Variants in RELL1 observed in about 807,000 individuals in gnomAD.
RELL1 encodes the protein RELT like 1.
A neutral mutation model predicts 23.0 loss-of-function variants in RELL1; 10 were observed. That is an observed-to-expected ratio of 0.43 (90% CI 0.27 to 0.74). RELL1 has a LOEUF of 0.74. RELL1 is among the 30% of genes least tolerant of loss of function. RELL1 has a pLI of 0.19. For synonymous variants in RELL1, 146 were observed against 146.8 expected, an observed-to-expected ratio of 0.99 and a Z score of 0.04; for missense variants, 315 against 364.4, an observed-to-expected ratio of 0.86 and a Z score of 1.10.
At chr4:37,654,883 A>G (rs539902443) in intron 1 of RELL1, among the ~76,000 whole-genome samples, 2 of 152,360 alleles carry the variant, frequency 1.3e-5, no homozygotes, top group East Asian at 3.9e-4. Context: ...ATAAAAACGC[A>G]TGAAGGTATA....
chr4:37,602,576 G>C lies in RELL1; in HGVS notation c.*4-11359C>G, dbSNP rs182571351. 2.7e-3 allele frequency among the ~76,000 whole-genome samples: 414 copies of C among 152,096 alleles called. 3 individuals carry two copies. Among genetic ancestry groups the C allele is most frequent in the African/African-American group, 9.4e-3 (391 of 41,498 alleles). On this transcript the variant is annotated intron_variant, in intron 6 of 6. Transcript: ENST00000314117. ...AGTCACAGCCACTCTGATCAGCCGT[G>C]GGGGATGGACGCATGTAGACCCTTC...
intron 4 of RELL1, among the ~76,000 whole-genome samples, chr4:37,637,794 T>G (rs1018389718): frequency 6.6e-6 from 1 of 152,240 alleles, no homozygotes; most frequent in Admixed American, 6.5e-5. Context: ...TAATTAATTA[T>G]GAAGGAATAT....
chr4:37,662,747 T>A (rs1721398688), intron 1 of RELL1, among the ~76,000 whole-genome samples: 1 of 152,058 alleles, frequency 6.6e-6, no homozygotes, highest in Non-Finnish European at 1.5e-5. Flanking sequence ...CCAACACAGA[T>A]GACAGCTACA....
In RELL1 at chr4:37,651,994, C is replaced by T. The variant is rs542267455; in HGVS notation, c.89-2494G>A. 5.3e-5 allele frequency among the ~76,000 whole-genome samples: 8 copies of T among 152,354 alleles called. No homozygotes were observed. The South Asian group carries it at 1.7e-3, about 32-fold the overall frequency. ...GCTGAAGCACGCCAGCGTGGCCAAG[C>T]AGGGCGTCGAGGCTGGGGCAGAGCG... On this transcript the variant is annotated intron_variant, in intron 1 of 6. Coordinates refer to ENST00000454158, the MANE Select transcript of RELL1 (RefSeq NM_001085400.2).
chr4:37,676,047 T>G (rs1194303678), intron 1 of RELL1, among the ~76,000 whole-genome samples: 1 of 152,164 alleles, frequency 6.6e-6, no homozygotes, highest in Non-Finnish European at 1.5e-5. Flanking sequence ...ACTCCTGCAG[T>G]TTTTGCAGCT....
At chr4:37,588,555 C>T (rs186530889), downstream of RELL1, 59 of 326,492 alleles carry the variant, frequency 1.8e-4, no homozygotes, top group African/African-American at 1.1e-3. Flanking sequence ...CATCCTTCCA[C>T]CTTCTTCTCC....
chr4:37,661,570 G>A (rs1026561257), intron 1 of RELL1, among the ~76,000 whole-genome samples: 8 of 152,146 alleles, frequency 5.3e-5, no homozygotes, highest in Admixed American at 1.3e-4. Context: ...GTGAGCCACC[G>A]CACCTAGCCA....
At chr4:37,648,714 T>C (rs575673896) in intron 2 of RELL1, among the ~76,000 whole-genome samples, 4 of 152,238 alleles carry the variant, frequency 2.6e-5, no homozygotes, top group Non-Finnish European at 5.9e-5. Context: ...CACGATCGTT[T>C]ACTTAATAAA....
intron 3 of RELL1, among the ~76,000 whole-genome samples, chr4:37,639,620 C>T (rs1720454981): frequency 1.3e-5 from 2 of 152,010 alleles, no homozygotes; most frequent in Admixed American, 1.3e-4. Flanking sequence ...AGAGTGGTCA[C>T]GCTCCCCAGG....
intron 3 of RELL1, among the ~76,000 whole-genome samples, chr4:37,639,141 T>C (rs1720434483): frequency 6.6e-6 from 1 of 152,110 alleles, no homozygotes. Context: ...TCCCAGCACT[T>C]TGGGAAGCCG....
At chr4:37,660,882 T>A (rs1479532602) in intron 1 of RELL1, among the ~76,000 whole-genome samples, 1 of 151,862 alleles carries the variant, frequency 6.6e-6, no homozygotes, top group Non-Finnish European at 1.5e-5. Flanking sequence ...ATATAACAGA[T>A]TAGCCAGGCA....
intron 5 of RELL1, among the ~76,000 whole-genome samples, chr4:37,632,084 GAAAAA>G (rs1183120605): frequency 4.5e-5 from 2 of 44,458 alleles, no homozygotes; most frequent in African/African-American, 1.9e-4. Flanking sequence ...TCTCAATAAG[GAAAAA>G]AAAAAAAAAA....
At chr4:37,602,030 G>A (rs537679945) in intron 6 of RELL1, among the ~76,000 whole-genome samples, 1 of 151,836 alleles carries the variant, frequency 6.6e-6, no homozygotes, top group South Asian at 2.1e-4. Flanking sequence ...CCTGGGCAAC[G>A]TGAAAAAAAC....
At chr4:37,590,873 A>G (rs761635338) in exon 7 of RELL1, 11 of 1,614,244 alleles carry the variant, frequency 6.8e-6, no homozygotes, top group South Asian at 5.5e-5. Flanking sequence ...GGAAACAGGC[A>G]GGAGGATACC....
downstream of RELL1, among the ~76,000 whole-genome samples, chr4:37,606,980 A>T (rs1187938106): frequency 6.6e-6 from 1 of 152,224 alleles, no homozygotes; most frequent in African/African-American, 2.4e-5. The surrounding 1 kb of genome is among the most constrained non-coding windows in gnomAD (Gnocchi z 4.1). Context: ...CACGTTCCTG[A>T]CATGATTCAA....
intron 5 of RELL1, among the ~76,000 whole-genome samples, chr4:37,633,246 T>C (rs1038279057): frequency 6.6e-6 from 1 of 151,672 alleles, no homozygotes; most frequent in Non-Finnish European, 1.5e-5. Context: ...CCGTCTCTCC[T>C]AAAAATACAA....
At chr4:37,620,871 T>A (rs1016064939) in intron 6 of RELL1, among the ~76,000 whole-genome samples, 1 of 152,224 alleles carries the variant, frequency 6.6e-6, no homozygotes, top group African/African-American at 2.4e-5. Flanking sequence ...ATTTAACACC[T>A]AACCTATTTT....
Position 37,611,666 on chromosome 4 carries a change from A to C in RELL1, c.*1680T>G, listed in dbSNP as rs1719381930. On this transcript the variant is annotated 3_prime_UTR_variant, in exon 7 of 7. Coordinates refer to ENST00000454158, the MANE Select transcript of RELL1 (RefSeq NM_001085400.2). Reference sequence around the variant, plus strand: ...CCCCACAGCTCACCCCAGAGCTACCATAAATCATGTAATACTATTTATGCC... The same window carrying C: ...CCCCACAGCTCACCCCAGAGCTACCCTAAATCATGTAATACTATTTATGCC... Among the ~76,000 whole-genome samples the C allele has an allele frequency of 6.6e-6, 1 of 152,072 alleles. No homozygotes were observed. The highest frequency in any genetic ancestry group is 2.4e-5 in the African/African-American group (1 of 41,412).
At chr4:37,618,189 A>G (rs1560331015) in intron 6 of RELL1, among the ~76,000 whole-genome samples, 1 of 152,098 alleles carries the variant, frequency 6.6e-6, no homozygotes, top group Non-Finnish European at 1.5e-5. Flanking sequence ...CTGTGTCTGT[A>G]CATATAACTC....
Sources: gnomAD v4.1 joint callset for allele counts (sites outside exome capture counted in the v4.1 genomes callset) on GRCh38, gnomAD v4.1.1 for gene constraint, Gnocchi (gnomAD v3.1) non-coding constraint, MANE v1.5 for transcripts, NCBI Gene and HGNC (gene_info 2026-07-23, HGNC 2026-07-21) for gene names.